WDR11: variants seen among roughly 807,000 people sequenced by gnomAD.
WDR11 encodes WD repeat domain 11.
WDR11 carries 83 observed loss-of-function variants against 151.2 expected under a neutral mutation model. The observed-to-expected ratio is 0.55, with a 90% CI of 0.46 to 0.66. WDR11 has a LOEUF of 0.66. WDR11 is among the 30% of genes least tolerant of loss of function. The pLI, the probability that WDR11 is intolerant of heterozygous loss-of-function variation, is 0.00. For missense variants in WDR11, 1,301 were observed against 1,480.9 expected (o/e 0.88, Z 1.99); for synonymous variants, 484 against 533.1 (o/e 0.91, Z 1.27).
Position 120,866,624 on chromosome 10 carries a change from C to T in WDR11, c.1050C>T (p.Ile350=). The T allele has an allele frequency of 6.2e-7, 1 of 1,614,150 alleles. No individual in the cohort carries two copies. Among genetic ancestry groups the T allele is most frequent in the Non-Finnish European group, 8.5e-7 (1 of 1,180,034 alleles). The change falls in exon 8 of 29, where the codon ATC becomes ATT. Residue 350 remains isoleucine, a synonymous_variant. Coordinates refer to ENST00000263461, the MANE Select transcript of WDR11 (RefSeq NM_018117.12). ...ATTTACGAAGCCAGTGTGATGCAAT[C>T]AGGGTGACAAAAACCGTCCGTCCCT... ...TYDLRSQCDA[I]RVTKTVRPFS...
intron 19 of WDR11, among the ~76,000 whole-genome samples, chr10:120,899,115 T>G (rs1160660659): frequency 6.6e-6 from 1 of 152,120 alleles, no homozygotes; most frequent in East Asian, 1.9e-4. Context: ...GTCTTCTGCT[T>G]CTTTGCACTG....
chr10:120,895,501 A>C (rs1847580033), intron 19 of WDR11, among the ~76,000 whole-genome samples: 3 of 152,228 alleles, frequency 2.0e-5, no homozygotes, highest in African/African-American at 2.4e-5. Context: ...AAGATGACTA[A>C]GTGGAAATTA....
At chr10:120,896,100 T>C (rs1847605976) in intron 19 of WDR11, among the ~76,000 whole-genome samples, 1 of 152,184 alleles carries the variant, frequency 6.6e-6, no homozygotes, top group African/African-American at 2.4e-5. Flanking sequence ...ATCTGCAGAA[T>C]GGAGTAATCT....
rs145664750 is a variant in WDR11 at position 120,904,782 on chromosome 10, C to T, written c.3164C>T (p.Thr1055Met). ...PSQSTIKLVATNMIANGKLAE... is the reference protein window; with the variant it reads ...PSQSTIKLVAMNMIANGKLAE... ...CAGAGCACCATTAAGTTGGTGGCAA[C>T]GAATATGATTGCCAATGGCAAATTG... The change falls in exon 25 of 29, where the codon ACG becomes ATG. Residue 1055 changes from threonine (T) to methionine (M), a missense_variant. This residue lies in a region of WDR11 where 589 missense variants were observed against 670.6 expected (regional missense o/e 0.88). Transcript: ENST00000263461. The T allele has an allele frequency of 1.2e-6, 2 of 1,614,074 alleles. No individual in the cohort carries two copies. The highest frequency in any genetic ancestry group is 1.3e-5 in the African/African-American group (1 of 75,002).
intron 5 of WDR11, among the ~76,000 whole-genome samples, chr10:120,863,452 G>T (rs1846207325): frequency 6.6e-6 from 1 of 152,028 alleles, no homozygotes; most frequent in Non-Finnish European, 1.5e-5. Context: ...CTAAAATAAG[G>T]CTTTAAAGTA....
intron 12 of WDR11, chr10:120,880,385 C>A: frequency 6.2e-6 from 1 of 160,758 alleles, no homozygotes; most frequent in Non-Finnish European, 1.4e-5. Flanking sequence ...AGGAACTGGG[C>A]GCCGTGGCTC....
intron 22 of WDR11, among the ~76,000 whole-genome samples, 155 bp from the exon 23 acceptor site, chr10:120,902,900 G>A (rs1169575584): frequency 6.6e-6 from 1 of 152,172 alleles, no homozygotes; most frequent in Non-Finnish European, 1.5e-5. Context: ...CAGGGCAGGA[G>A]AACTTGCTGC....
intron 27 of WDR11, chr10:120,906,344 G>A: frequency 7.9e-7 from 1 of 1,263,792 alleles, no homozygotes; most frequent in Non-Finnish European, 1.0e-6. Context: ...AGAGAGCAGG[G>A]GGAGAGGCGA....
intron 17 of WDR11, 92 bp from the exon 18 acceptor site, chr10:120,889,803 A>G (rs962433044): frequency 1.1e-6 from 1 of 886,332 alleles, no homozygotes; most frequent in Admixed American, 2.0e-5. Flanking sequence ...CAGACCTGTT[A>G]GAAATGGAAA....
rs7906170 is a variant in WDR11 at position 120,902,622 on chromosome 10, C to T, written c.2753+300C>T. Among the ~76,000 whole-genome samples the T allele has an allele frequency of 1.3e-3, 192 of 148,188 alleles. 1 individual carries two copies. Among genetic ancestry groups the T allele is most frequent in the African/African-American group, 4.9e-3 (184 of 37,790 alleles). ...TATACCAATAAATTATATTTAGAAG[C>T]GATAACCTCTATATCCTGACTTACA... On this transcript the variant is annotated intron_variant, in intron 22 of 28. Transcript: ENST00000263461.
chr10:120,906,901 T>C, intron 28 of WDR11, 46 bp downstream of exon 28: 1 of 1,613,872 alleles, frequency 6.2e-7, no homozygotes, highest in East Asian at 2.2e-5. Flanking sequence ...GAAAGTGACA[T>C]GCATGGGTTT....
intron 19 of WDR11, among the ~76,000 whole-genome samples, chr10:120,895,055 G>GT (rs1847560382): frequency 6.6e-6 from 1 of 152,274 alleles, no homozygotes; most frequent in African/African-American, 2.4e-5. Flanking sequence ...TTCAGACTTG[G>GT]TAAATGTTGT....
In WDR11 at chr10:120,874,211, TG is replaced by T. The variant is rs1242476372; in HGVS notation, c.1556+289del. Among the ~76,000 whole-genome samples, 1,004 of 117,212 alleles carry T rather than the reference TG, an allele frequency of 8.6e-3. 13 individuals are homozygous for T. The highest frequency in any genetic ancestry group is 0.012 in the African/African-American group (348 of 29,442). The allele number at this position is 117,212 out of a possible 152,430, so 76.9% of individuals were successfully genotyped here. A position where few individuals can be genotyped will look rare whatever the true frequency, so the allele number is the denominator to read the frequency against. On this transcript the variant is annotated intron_variant, in intron 11 of 28. Coordinates refer to ENST00000263461, the MANE Select transcript of WDR11 (RefSeq NM_018117.12). ...TTTTTTTGTTGTTGTTGTTGTTGTT[TG>T]TTTTGTTTTGTTTTGTTTTTTTTAA... is the stretch of plus-strand genomic sequence containing the variant.
At position 120,890,747 on chromosome 10, in the gene WDR11, G is replaced by A. The variant is rs757483816; in HGVS notation, c.2375G>A (p.Arg792Lys). The A allele has an allele frequency of 7.4e-6, 12 of 1,614,220 alleles. No homozygotes were observed. The highest frequency in any genetic ancestry group is 9.3e-6 in the Non-Finnish European group (11 of 1,180,042). Residue 792 changes from arginine (R) to lysine (K), a missense_variant, in exon 19 of 29, where the codon AGA (arginine) becomes AAA (lysine). Around this residue, in one of 3 missense-constraint regions of WDR11, gnomAD observed 589 missense variants for 670.6 expected, o/e 0.88. Coordinates refer to ENST00000263461, the MANE Select transcript of WDR11 (RefSeq NM_018117.12). ...VQMVSSLRSG[R>K]NVTFRILDVD... Reference sequence around the variant, plus strand: ...ATGGTGAGCAGTTTAAGAAGTGGCAGAAATGTGACCTTTCGTATATTGGAT... The same window carrying A: ...ATGGTGAGCAGTTTAAGAAGTGGCAAAAATGTGACCTTTCGTATATTGGAT...
chr10:120,885,404 T>C (rs1385434657), intron 14 of WDR11, among the ~76,000 whole-genome samples: 2 of 151,848 alleles, frequency 1.3e-5, no homozygotes, highest in Non-Finnish European at 2.9e-5. Context: ...GGCTTTACAA[T>C]AGGTGGAATA....
intron 11 of WDR11, among the ~76,000 whole-genome samples, chr10:120,877,875 A>C (rs763635088): frequency 1.8e-4 from 27 of 152,340 alleles, no homozygotes; most frequent in Non-Finnish European, 3.2e-4. Context: ...ATGATGTTTT[A>C]ACTTGTGATG....
chr10:120,908,040 ATC>A, intron 28 of WDR11: 5 of 165,606 alleles, frequency 3.0e-5, no homozygotes, highest in South Asian at 3.0e-4. Flanking sequence ...CATTTTGAGG[ATC>A]AAAGCATCAG....
In WDR11 at chr10:120,881,905, G is replaced by A. The variant is rs140848991; in HGVS notation, c.1739+1004G>A. Among the ~76,000 whole-genome samples the A allele has an allele frequency of 2.2e-3, 334 of 152,032 alleles. 1 individual carries two copies. Among genetic ancestry groups the A allele is most frequent in the African/African-American group, 7.8e-3 (325 of 41,508 alleles). ...TGATTAGAACTGAGATGTCAGCTACGAGCTGACATCTTTGCTCTGATCCTG... is the reference window on the plus strand; with the variant it reads ...TGATTAGAACTGAGATGTCAGCTACAAGCTGACATCTTTGCTCTGATCCTG... On this transcript the variant is annotated intron_variant, in intron 13 of 28. Coordinates refer to ENST00000263461, the MANE Select transcript of WDR11 (RefSeq NM_018117.12).
chr10:120,868,284 T>C (rs1846387069), intron 9 of WDR11, among the ~76,000 whole-genome samples: 2 of 151,978 alleles, frequency 1.3e-5, no homozygotes, highest in Admixed American at 1.3e-4. Context: ...TGAAACCCTG[T>C]CTCTACTAAA....
Sources: allele counts gnomAD v4.1 joint callset (sites outside exome capture counted in the v4.1 genomes callset), GRCh38; gene constraint gnomAD v4.1.1; regional missense constraint gnomAD v4.1.1; transcripts MANE v1.5; gene names NCBI Gene and HGNC (gene_info 2026-07-23, HGNC 2026-07-21).